Variants in VSNL1 observed in about 807,000 individuals in gnomAD.
VSNL1 encodes the protein visinin like 1, also known as visinin-like protein 1.
Under a neutral mutation model 20.4 loss-of-function variants are expected in VSNL1, and 6 were observed. That is an observed-to-expected ratio of 0.29 (90% confidence interval 0.16 to 0.58). VSNL1 has a LOEUF of 0.58. Ranked by LOEUF, VSNL1 falls within the 20% of genes least tolerant of loss-of-function variation. The pLI is 0.90. For missense variants in VSNL1, 100 were observed against 234.5 expected (o/e 0.43, Z 3.75); for synonymous variants, 93 against 86.4 (o/e 1.08, Z -0.42).
At chr2:17,611,515 G>A (rs1665086617) in intron 2 of VSNL1, among the ~76,000 whole-genome samples, 2 of 152,356 alleles carry the variant, frequency 1.3e-5, no homozygotes, top group Admixed American at 1.3e-4. Flanking sequence ...GTGGGGTAGT[G>A]CACTCACATA....
chr2:17,589,320 C>A (rs1005876608), intron 1 of VSNL1, among the ~76,000 whole-genome samples: 1 of 152,120 alleles, frequency 6.6e-6, no homozygotes, highest in African/African-American at 2.4e-5. Context: ...ACCTGAGCCA[C>A]GCTAAGGAGA....
At chr2:17,630,635 T>A (rs981706146) in intron 2 of VSNL1, among the ~76,000 whole-genome samples, 3 of 152,236 alleles carry the variant, frequency 2.0e-5, no homozygotes, top group African/African-American at 7.2e-5. Context: ...AACTTCCACA[T>A]ATTAAAATAT....
chr2:17,565,170 T>C (rs193290363), intron 1 of VSNL1, among the ~76,000 whole-genome samples: 10 of 152,274 alleles, frequency 6.6e-5, no homozygotes, highest in Non-Finnish European at 1.3e-4. Flanking sequence ...ATCTTCAACA[T>C]TGTAAAGTAC....
chr2:17,620,590 GC>G (rs1377629707), intron 2 of VSNL1, among the ~76,000 whole-genome samples: 1 of 152,166 alleles, frequency 6.6e-6, no homozygotes, highest in African/African-American at 2.4e-5. Flanking sequence ...AAACAAAGGG[GC>G]CACAGTAGAA....
intron 2 of VSNL1, among the ~76,000 whole-genome samples, chr2:17,626,565 C>G (rs1037107777): frequency 6.7e-6 from 1 of 150,302 alleles, no homozygotes; most frequent in African/African-American, 2.5e-5. Flanking sequence ...CCCTTCCCAC[C>G]CACCCTGCCC....
intron 1 of VSNL1, among the ~76,000 whole-genome samples, chr2:17,566,591 T>C (rs1057148581): frequency 6.6e-6 from 1 of 152,180 alleles, no homozygotes; most frequent in Non-Finnish European, 1.5e-5. Flanking sequence ...CATTTGGAAT[T>C]CCTTATAAAT....
chr2:17,617,888 C>T (rs1012654294), intron 2 of VSNL1, among the ~76,000 whole-genome samples: 13 of 148,560 alleles, frequency 8.8e-5, no homozygotes, highest in East Asian at 3.9e-4. Flanking sequence ...CACATGCACG[C>T]GCACACACAC....
intron 1 of VSNL1, chr2:17,546,030 A>C (rs573372736): frequency 6.6e-6 from 1 of 151,962 alleles, no homozygotes; most frequent in Non-Finnish European, 1.5e-5. Context: ...CCAGGTGAGC[A>C]TTCTATTTCC....
intron 1 of VSNL1, among the ~76,000 whole-genome samples, chr2:17,591,407 A>G (rs1664590990): frequency 6.6e-6 from 1 of 152,338 alleles, no homozygotes; most frequent in South Asian, 2.1e-4. Flanking sequence ...GAATAATATC[A>G]ACAAAAACTC....
intron 1 of VSNL1, among the ~76,000 whole-genome samples, chr2:17,557,824 C>T (rs1196258048): frequency 6.6e-6 from 1 of 152,142 alleles, no homozygotes; most frequent in East Asian, 1.9e-4. Context: ...TTCCCTGGGA[C>T]GGTTTCCAGA....
intron 2 of VSNL1, among the ~76,000 whole-genome samples, chr2:17,606,136 T>C (rs1664939195): frequency 6.6e-6 from 1 of 152,226 alleles, no homozygotes; most frequent in Non-Finnish European, 1.5e-5. Flanking sequence ...TTGCCAATGC[T>C]CTTTACCTGG....
intron 1 of VSNL1, among the ~76,000 whole-genome samples, chr2:17,571,922 GGA>G (rs993546263): frequency 7.9e-5 from 12 of 152,170 alleles, no homozygotes; most frequent in Non-Finnish European, 1.5e-4. Flanking sequence ...AGAATTCTAA[GGA>G]GAGAGAGAAA....
chr2:17,544,640 A>G (rs980170969), intron 1 of VSNL1, among the ~76,000 whole-genome samples: 2 of 152,210 alleles, frequency 1.3e-5, no homozygotes, highest in Admixed American at 6.5e-5. Flanking sequence ...AGTATCAAAC[A>G]TATGGTTTCC....
chr2:17,550,356 G>A (rs1215183684), intron 1 of VSNL1, among the ~76,000 whole-genome samples: 1 of 152,104 alleles, frequency 6.6e-6, no homozygotes, highest in African/African-American at 2.4e-5. Context: ...GGAAGGAAAA[G>A]CCTAAATTAT....
chr2:17,555,165 C>T (rs1000538416), intron 1 of VSNL1, among the ~76,000 whole-genome samples: 1 of 152,096 alleles, frequency 6.6e-6, no homozygotes, highest in Non-Finnish European at 1.5e-5. Flanking sequence ...GAGGCTTGGG[C>T]CCTAGAAAGT....
intron 1 of VSNL1, among the ~76,000 whole-genome samples, chr2:17,554,666 A>G (rs1313803538): frequency 5.3e-5 from 8 of 152,158 alleles, no homozygotes; most frequent in South Asian, 4.1e-4. Context: ...TCACTACTCT[A>G]TATAACAGCT....
chr2:17,647,333 G>A (rs1050971820), intron 2 of VSNL1, among the ~76,000 whole-genome samples: 1 of 152,114 alleles, frequency 6.6e-6, no homozygotes, highest in Non-Finnish European at 1.5e-5. Context: ...AGAAATGCTG[G>A]CGGGTAAACA....
rs138757033 is a variant in VSNL1 at position 17,643,219 on chromosome 2, T to A, written c.163-6191T>A. 2.6e-5 allele frequency among the ~76,000 whole-genome samples: 4 copies of A among 152,300 alleles called. No individual in the cohort carries two copies. The East Asian group carries it at 7.7e-4, about 29-fold the overall frequency. ...GAGCCCAGCACCAGTTGGGCTTCTG[T>A]GAGTATCTGTTGAATGAAAACTTTG... On this transcript the variant is annotated intron_variant, in intron 2 of 3. Transcript: ENST00000295156.
At chr2:17,541,233 C>G (rs1663278644) in intron 1 of VSNL1, 1 of 152,124 alleles carries the variant, frequency 6.6e-6, no homozygotes, top group South Asian at 2.1e-4. Flanking sequence ...AGCTAATTGA[C>G]CGATTGTGAA....
Sources: allele counts gnomAD v4.1 joint callset (sites outside exome capture counted in the v4.1 genomes callset), GRCh38; gene constraint gnomAD v4.1.1; transcripts MANE v1.5; gene names NCBI Gene and HGNC (gene_info 2026-07-23, HGNC 2026-07-21).